MTHFD1L: variants seen among roughly 807,000 people sequenced by gnomAD.
MTHFD1L encodes the protein methylenetetrahydrofolate dehydrogenase (NADP+ dependent) 1 like.
Under a neutral mutation model 119.5 loss-of-function variants are expected in MTHFD1L, and 81 were observed. That is an observed-to-expected ratio of 0.68 (90% CI 0.57 to 0.82). The LOEUF (loss-of-function observed/expected upper bound fraction) is 0.82. Ranked by LOEUF, MTHFD1L falls within the 40% of genes least tolerant of loss-of-function variation. The probability of loss-of-function intolerance (pLI) is 0.00; values close to 1 mark genes in which losing one functional copy is unlikely to be tolerated. For synonymous variants in MTHFD1L, 430 were observed against 475.2 expected (o/e 0.90, Z 1.24); for missense variants, 1,125 against 1,253.4 (o/e 0.90, Z 1.55).
chr6:150,877,873 G>A, intron 4 of MTHFD1L, 47 bp downstream of exon 4: 1 of 1,606,956 alleles, frequency 6.2e-7, no homozygotes, highest in Non-Finnish European at 8.5e-7. Flanking sequence ...TTCCTCTTGA[G>A]ACTTAATAGG....
At chr6:151,053,942 G>GTTT (rs1022783186) in intron 26 of MTHFD1L, among the ~76,000 whole-genome samples, 4 of 150,486 alleles carry the variant, frequency 2.7e-5, no homozygotes, top group Admixed American at 1.3e-4. Flanking sequence ...CTGACTTTTT[G>GTTT]TTAAAGCTGG....
rs779333854 is a variant in MTHFD1L, at chr6:150,877,690, G to T, written c.363+6G>T. 6.2e-7 allele frequency: 1 copy of T among 1,614,064 alleles called. No homozygotes were observed. Among genetic ancestry groups the T allele is most frequent in the East Asian group, 2.2e-5 (1 of 44,894 alleles). ...ACCAGAATTTGGCTGAGGAGGTGAGGACTGCTGCTTTTAAAAAATTCACTA... is the reference window on the plus strand; with the variant it reads ...ACCAGAATTTGGCTGAGGAGGTGAGTACTGCTGCTTTTAAAAAATTCACTA... On this transcript the variant is annotated splice_donor_region_variant and intron_variant, in intron 3 of 27. Transcript: ENST00000367321.
intron 20 of MTHFD1L, among the ~76,000 whole-genome samples, chr6:151,006,364 T>C (rs368851985): frequency 1.3e-5 from 2 of 151,980 alleles, no homozygotes; most frequent in South Asian, 2.1e-4. Context: ...ACAAGTAACA[T>C]AGAGTATGTG....
At chr6:150,922,152 G>T in intron 9 of MTHFD1L, 53 bp from the exon 10 acceptor site, 4 of 1,296,338 alleles carry the variant, frequency 3.1e-6, no homozygotes, top group African/African-American at 1.4e-5. Flanking sequence ...TTAAGTGTGT[G>T]CCCTGTCAGC....
chr6:150,905,785 G>A (rs764264711), intron 8 of MTHFD1L, 24 bp downstream of exon 8: 2 of 1,535,154 alleles, frequency 1.3e-6, no homozygotes, highest in Admixed American at 1.7e-5. Context: ...CATTGGTGTT[G>A]AGCCACTGAT....
intron 27 of MTHFD1L, among the ~76,000 whole-genome samples, chr6:151,095,366 T>C (rs1424995586): frequency 6.6e-6 from 1 of 152,234 alleles, no homozygotes; most frequent in Non-Finnish European, 1.5e-5. Context: ...AGGAACCCAT[T>C]ATGTTACATT....
chr6:150,957,379 T>C (rs1035071748), intron 17 of MTHFD1L, among the ~76,000 whole-genome samples: 1 of 152,162 alleles, frequency 6.6e-6, no homozygotes, highest in Non-Finnish European at 1.5e-5. Context: ...TACTAAATGC[T>C]AGTGAGGATG....
Position 151,015,601 on chromosome 6 carries a change from T to G in MTHFD1L, c.2494T>G (p.Ser832Ala). 2 of 1,614,108 alleles carry G rather than the reference T, an allele frequency of 1.2e-6. No homozygotes were observed. Among genetic ancestry groups the G allele is most frequent in the South Asian group, 2.2e-5 (2 of 91,082 alleles). Residue 832 changes from serine to alanine, a missense_variant, in exon 24 of 28, where the codon TCC becomes GCC. This residue lies in a region of MTHFD1L where 1,058 missense variants were observed against 1,151.2 expected (regional missense o/e 0.92). Transcript: ENST00000367321. The stretch of plus-strand genomic sequence containing the variant: ...TGATGCAGTCCCCTGCTATCACTGG[T>G]CCGTTGGTGGAAAAGGATCGGTGGA... ...AFDAVPCYHW[S>A]VGGKGSVDLA...
chr6:151,072,192 T>C (rs1173429678), intron 26 of MTHFD1L, among the ~76,000 whole-genome samples: 1 of 152,132 alleles, frequency 6.6e-6, no homozygotes, highest in Non-Finnish European at 1.5e-5. Context: ...AAAAAAATTA[T>C]TTTTCCTGTA....
intron 26 of MTHFD1L, among the ~76,000 whole-genome samples, chr6:151,047,901 A>G (rs1312630882): frequency 6.6e-6 from 1 of 152,204 alleles, no homozygotes; most frequent in Non-Finnish European, 1.5e-5. Flanking sequence ...TACGGGAAGC[A>G]TGGCTGGGGA....
At chr6:151,099,989 C>T in intron 27 of MTHFD1L, 18 of 746,334 alleles carry the variant, frequency 2.4e-5, no homozygotes, top group South Asian at 6.3e-5. Context: ...CATCTGGCAT[C>T]TTCCTTTAAA....
chr6:150,938,629 C>T, intron 12 of MTHFD1L, 70 bp from the exon 13 acceptor site: 4 of 1,540,726 alleles, frequency 2.6e-6, no homozygotes, highest in Non-Finnish European at 2.7e-6. Flanking sequence ...AGCTGTGTCC[C>T]TTGGCCTGTG....
intron 19 of MTHFD1L, among the ~76,000 whole-genome samples, chr6:150,969,323 G>A (rs1797703060): frequency 6.6e-6 from 1 of 152,098 alleles, no homozygotes; most frequent in Non-Finnish European, 1.5e-5. Flanking sequence ...TTATTTCTTT[G>A]CTGCCTAATA....
intron 6 of MTHFD1L, among the ~76,000 whole-genome samples, chr6:150,886,348 A>T (rs540067393): frequency 2.0e-4 from 30 of 150,396 alleles, no homozygotes; most frequent in Admixed American, 1.9e-3. Flanking sequence ...AGGCGGGAAG[A>T]TCGCTTGAGC....
chr6:150,971,704 A>G (rs919460905), intron 19 of MTHFD1L, among the ~76,000 whole-genome samples: 10 of 152,206 alleles, frequency 6.6e-5, no homozygotes, highest in African/African-American at 2.2e-4. Flanking sequence ...GAAGGAAGTG[A>G]CTGTATTCTC....
chr6:150,976,179 C>T (rs1160101038), intron 20 of MTHFD1L, among the ~76,000 whole-genome samples: 2 of 152,116 alleles, frequency 1.3e-5, no homozygotes, highest in African/African-American at 4.8e-5. Context: ...CCAGCCTAGG[C>T]AACAGAGACA....
intron 6 of MTHFD1L, 111 bp from the exon 7 acceptor site, chr6:150,887,734 G>T: frequency 8.5e-7 from 1 of 1,176,244 alleles, no homozygotes; most frequent in Non-Finnish European, 1.2e-6. Context: ...TGGAATTATA[G>T]GCATGAGCCA....
intron 9 of MTHFD1L, among the ~76,000 whole-genome samples, chr6:150,920,218 G>A (rs748751898): frequency 3.3e-5 from 5 of 152,200 alleles, no homozygotes; most frequent in Admixed American, 1.3e-4. Flanking sequence ...ACTAAGTCCA[G>A]TTCACATTCA....
At chr6:151,009,997 T>C (rs1409896491) in intron 21 of MTHFD1L, 39 bp downstream of exon 21, 14 of 1,540,838 alleles carry the variant, frequency 9.1e-6, no homozygotes, top group Non-Finnish European at 1.2e-5. Flanking sequence ...CAAAGAAATT[T>C]CATTATGTTA....
Sources: allele counts gnomAD v4.1 joint callset (sites outside exome capture counted in the v4.1 genomes callset), GRCh38; gene constraint gnomAD v4.1.1; regional missense constraint gnomAD v4.1.1; transcripts MANE v1.5; gene names NCBI Gene and HGNC (gene_info 2026-07-23, HGNC 2026-07-21).